The following NR4A1 variants were observed in gnomAD, a reference collection of about 807,000 sequenced individuals.
NR4A1 encodes the protein nuclear receptor subfamily 4immunitygroup A member 1.
A neutral mutation model predicts 47.5 loss-of-function variants in NR4A1; 24 were observed. That is an observed-to-expected ratio of 0.50 (90% CI 0.37 to 0.71). The LOEUF (loss-of-function observed/expected upper bound fraction) is 0.71. Among genes scored for constraint, NR4A1 ranks in the 30% least tolerant of loss-of-function variants. The pLI, the probability that NR4A1 is intolerant of heterozygous loss-of-function variation, is 0.00. For missense variants in NR4A1, 669 were observed against 788.6 expected (o/e 0.85, Z 1.82); for synonymous variants, 353 against 345.7 (o/e 1.02, Z -0.24).
intron 1 of NR4A1, 56 bp downstream of exon 1, chr12:52,051,624 T>G: frequency 2.6e-5 from 24 of 907,582 alleles, no homozygotes; most frequent in Non-Finnish European, 3.0e-5. Context: ...ATGAAGGAGA[T>G]GGGTGTACGC....
intron 1 of NR4A1, among the ~76,000 whole-genome samples, chr12:52,032,457 C>G (rs1592281482): frequency 6.6e-6 from 1 of 152,348 alleles, no homozygotes; most frequent in South Asian, 2.1e-4. Flanking sequence ...GCTAATGCCT[C>G]ATAATAAATC....
intron 1 of NR4A1, chr12:52,038,561 C>T: frequency 1.6e-6 from 1 of 613,920 alleles, no homozygotes; most frequent in Non-Finnish European, 3.0e-6. Flanking sequence ...GATTTGGGGG[C>T]TGTCGTCGGC....
At chr12:52,051,031 G>T (rs1232366274), upstream of NR4A1, among the ~76,000 whole-genome samples, 1 of 152,192 alleles carries the variant, frequency 6.6e-6, no homozygotes, top group Non-Finnish European at 1.5e-5. Context: ...CCGCGGCCGC[G>T]TCTCTACAGC....
At chr12:52,044,112 G>A (rs1446408265) in intron 2 of NR4A1, among the ~76,000 whole-genome samples, 1 of 152,176 alleles carries the variant, frequency 6.6e-6, no homozygotes, top group Non-Finnish European at 1.5e-5. Context: ...TGAGAACTAG[G>A]AGAGGTGTAC....
chr12:52,039,013 C>G (rs1938342740), intron 1 of NR4A1, among the ~76,000 whole-genome samples: 1 of 152,226 alleles, frequency 6.6e-6, no homozygotes, highest in Non-Finnish European at 1.5e-5. Flanking sequence ...ATTCTGGACT[C>G]CTTGGTTAGG....
At chr12:52,037,448 G>A (rs1592283742) in intron 1 of NR4A1, 1 of 986,066 alleles carries the variant, frequency 1.0e-6, no homozygotes, top group Non-Finnish European at 1.2e-6. Context: ...GGCCAGGTGA[G>A]GGGCTGCCGG....
chr12:52,034,572 G>C (rs1024807170), intron 1 of NR4A1, among the ~76,000 whole-genome samples: 3 of 152,244 alleles, frequency 2.0e-5, no homozygotes, highest in African/African-American at 7.2e-5. Flanking sequence ...GGAACAAGAG[G>C]CTGGGTAGAA....
chr12:52,043,787 C>A (rs968871450), intron 2 of NR4A1: 9 of 1,287,596 alleles, frequency 7.0e-6, no homozygotes, highest in Non-Finnish European at 9.1e-6. Context: ...CTGGGCAGCA[C>A]GTCTCTCCCC....
intron 4 of NR4A1, 61 bp downstream of exon 4, chr12:52,056,706 C>A (rs1352630265): frequency 1.8e-5 from 24 of 1,310,672 alleles, no homozygotes; most frequent in Non-Finnish European, 2.4e-5. Flanking sequence ...TGCCTTTGTG[C>A]GTGTTAGGAG....
In NR4A1 at chr12:52,051,528, T is replaced by G; in HGVS notation, c.-43T>G. The stretch of plus-strand genomic sequence containing the variant: ...GCGGGACCAGGGACCAGGCTGAGAC[T>G]CGGGGCGCCAGTCCGGGCAGGGGCA... On this transcript the variant is annotated 5_prime_UTR_variant, in exon 1 of 7. Coordinates refer to ENST00000394825, the MANE Select transcript of NR4A1 (RefSeq NM_173157.3). 1.0e-6 allele frequency: 1 copy of G among 985,798 alleles called. No homozygotes were observed. Among genetic ancestry groups the G allele is most frequent in the Non-Finnish European group, 1.2e-6 (1 of 830,262 alleles). The allele number at this position is 985,798 out of a possible 1,614,324, so 61.1% of individuals were successfully genotyped here. A position where few individuals can be genotyped will look rare whatever the true frequency, so the allele number is the denominator to read the frequency against.
chr12:52,056,383 C>T, intron 3 of NR4A1, 111 bp from the exon 4 acceptor site: 1 of 1,474,148 alleles, frequency 6.8e-7, no homozygotes, highest in Non-Finnish European at 9.1e-7. Context: ...CTCAGGGACT[C>T]TGGGTCCTAG....
chr12:52,049,409 G>A (rs1410758583), upstream of NR4A1, among the ~76,000 whole-genome samples: 1 of 152,252 alleles, frequency 6.6e-6, no homozygotes, highest in Non-Finnish European at 1.5e-5. Context: ...CTAATGGATG[G>A]TCTTCATGGG....
At position 52,058,945 on chromosome 12, in the gene NR4A1, C is replaced by T. The variant is rs374214087; in HGVS notation, c.*1C>T. 321 of 1,608,350 alleles carry T rather than the reference C, an allele frequency of 2.0e-4. 1 individual carries two copies. Among genetic ancestry groups the T allele is most frequent in the Non-Finnish European group, 2.6e-4 (303 of 1,175,580 alleles). On this transcript the variant is annotated 3_prime_UTR_variant, in exon 7 of 7. Coordinates refer to ENST00000394825, the MANE Select transcript of NR4A1 (RefSeq NM_173157.3). Reference sequence around the variant, plus strand: ...CTTCATGGACACGCTGCCCTTCTGACCCCTGCCTGGGAACACGTGTGCACA... The same window carrying T: ...CTTCATGGACACGCTGCCCTTCTGATCCCTGCCTGGGAACACGTGTGCACA...
In NR4A1 at chr12:52,054,577, C is replaced by T; in HGVS notation, c.249C>T (p.Ser83=). The change falls in exon 2 of 7, where the codon TCC becomes TCT. Residue 83 remains serine (S), a synonymous_variant. Coordinates refer to ENST00000394825, the MANE Select transcript of NR4A1 (RefSeq NM_173157.3). ...GTVQPCSSAS[S]SASSTSSSSA... ...TCCAGCCATGCTCCTCAGCCTCCTCCTCGGCCTCCTCCACATCCTCGTCCT... is the reference window on the plus strand; with the variant it reads ...TCCAGCCATGCTCCTCAGCCTCCTCTTCGGCCTCCTCCACATCCTCGTCCT... The T allele has an allele frequency of 1.2e-6, 2 of 1,614,170 alleles. No homozygotes were observed. The highest frequency in any genetic ancestry group is 1.3e-5 in the African/African-American group (1 of 75,050).
At position 52,056,579 on chromosome 12, in the gene NR4A1, C is replaced by T; in HGVS notation, c.1092C>T (p.Leu364=). ...KQPPDASPAN[L]LTSLVRAHLD... is the part of the protein sequence containing the mutation. ...CCCCAGATGCCTCCCCTGCCAATCT[C>T]CTCACTTCCCTGGTCCGTGCACACC... Residue 364 remains leucine, a synonymous_variant, in exon 4 of 7, where the codon CTC becomes CTT. Coordinates refer to ENST00000394825, the MANE Select transcript of NR4A1 (RefSeq NM_173157.3). The T allele has an allele frequency of 6.2e-7, 1 of 1,613,848 alleles. No homozygotes were observed. Among genetic ancestry groups the T allele is most frequent in the East Asian group, 2.2e-5 (1 of 44,832 alleles).
chr12:52,056,821 G>T, intron 4 of NR4A1, 176 bp downstream of exon 4: 2 of 882,600 alleles, frequency 2.3e-6, no homozygotes, highest in Non-Finnish European at 3.3e-6. Context: ...TCCCCCTCTC[G>T]GCTGACCAGA....
At chr12:52,029,829 T>C (rs565959465) in intron 1 of NR4A1, among the ~76,000 whole-genome samples, 1 of 152,298 alleles carries the variant, frequency 6.6e-6, no homozygotes, top group South Asian at 2.1e-4. Context: ...CCAGGCACTC[T>C]CCCTTGAGGG....
chr12:52,051,462 C>A lies in NR4A1; in HGVS notation c.-109C>A. ...CGGGGAGTCCCAGTGGCGGAGGCTA[C>A]GAAACTTGGGGGAGTGCACAGAAGA... is the stretch of plus-strand genomic sequence containing the variant. On this transcript the variant is annotated 5_prime_UTR_variant, in exon 1 of 7. Coordinates refer to ENST00000394825, the MANE Select transcript of NR4A1 (RefSeq NM_173157.3). 1.0e-6 allele frequency: 1 copy of A among 985,576 alleles called. No individual in the cohort carries two copies. The allele number at this position is 985,576 out of a possible 1,614,324, so 61.1% of individuals were successfully genotyped here.
At chr12:52,056,843 A>G (rs2120517858) in intron 4 of NR4A1, 198 bp downstream of exon 4, 2 of 807,620 alleles carry the variant, frequency 2.5e-6, no homozygotes, top group East Asian at 5.4e-5. Flanking sequence ...GGGAAAATGC[A>G]CCCCCTCAGG....
Sources: allele counts gnomAD v4.1 joint callset (sites outside exome capture counted in the v4.1 genomes callset), GRCh38; gene constraint gnomAD v4.1.1; transcripts MANE v1.5; gene names NCBI Gene and HGNC (gene_info 2026-07-23, HGNC 2026-07-21).